Variants in ZNF732 observed in about 807,000 individuals in gnomAD.
ZNF732 encodes zinc finger protein LOC654254.
Under a neutral mutation model 11.5 loss-of-function variants are expected in ZNF732, and 12 were observed. That is an observed-to-expected ratio of 1.05 (90% CI 0.67 to 1.70). ZNF732 has a LOEUF of 1.70. Among genes scored for constraint, ZNF732 ranks in the 40% most tolerant of loss-of-function variants. The pLI is 0.00. For missense variants in ZNF732, 702 were observed against 676.9 expected (o/e 1.04, Z -0.41); for synonymous variants, 231 against 236.5 (o/e 0.98, Z 0.21).
chr4:284,652 C>T (rs1283723277), intron 3 of ZNF732, among the ~76,000 whole-genome samples: 2 of 151,768 alleles, frequency 1.3e-5, no homozygotes, highest in Non-Finnish European at 2.9e-5. Context: ...GCGGGTGGAT[C>T]ACGAGATCAG....
chr4:300,163 T>A (rs1418371054), intron 1 of ZNF732, among the ~76,000 whole-genome samples: 2 of 151,406 alleles, frequency 1.3e-5, no homozygotes, highest in Non-Finnish European at 2.9e-5. Flanking sequence ...ATTATTAGGT[T>A]AATTTATAGC....
intron 1 of ZNF732, among the ~76,000 whole-genome samples, 182 bp downstream of exon 1, chr4:305,126 T>C (rs1447109539): frequency 6.6e-6 from 1 of 152,152 alleles, no homozygotes; most frequent in Non-Finnish European, 1.5e-5. Flanking sequence ...GGCTGCAGGC[T>C]GGGCCAAAGC....
rs1560167214 is a variant in ZNF732 at position 305,294 on chromosome 4, GC to G, written c.3+13del. 1.9e-6 allele frequency: 3 copies of G among 1,606,740 alleles called. No individual in the cohort carries two copies. Among genetic ancestry groups the G allele is most frequent in the East Asian group, 2.2e-5 (1 of 44,780 alleles). On this transcript the variant is annotated intron_variant, in intron 1 of 3. Transcript: ENST00000419098. The stretch of plus-strand genomic sequence containing the variant: ...GGCCTCCCCAGCCTTGGGACGCCCT[GC>G]CCCCACACTCACCATTTCCCCACTT...
intron 1 of ZNF732, among the ~76,000 whole-genome samples, chr4:299,373 A>ATATATACACATATGTACACATATGTG (rs1560164983): frequency 3.7e-5 from 2 of 54,050 alleles, no homozygotes; most frequent in Non-Finnish European, 3.9e-5. Flanking sequence ...ACATATGTGT[A>ATATATACACATATGTACACATATGTG]TATATATATA....
rs994032603 is a variant in ZNF732 at position 271,188 on chromosome 4, T to C, written c.1669A>G (p.Thr557Ala). 1.4e-5 allele frequency: 22 copies of C among 1,553,820 alleles called. No homozygotes were observed. The highest frequency in any genetic ancestry group is 1.8e-5 in the Non-Finnish European group (21 of 1,148,394). ...TTGCCACATCCTTTACATTTGGGGG[T>C]TTTATCTCCAGTATGAATTGTCTTA... ...KYKTIHTGDK[T>A]PKCKGCGKAF... The change falls in exon 4 of 4, where the codon ACC becomes GCC. Residue 557 changes from threonine (T) to alanine (A), a missense_variant. By Grantham distance (58) the Thr-to-Ala change is moderately conservative. Around this residue, in one of 3 missense-constraint regions of ZNF732, gnomAD observed 94 missense variants for 87.5 expected, o/e 1.07. Transcript: ENST00000419098.
rs563343906 is a variant in ZNF732, at chr4:300,361, G to A, written c.4-4206C>T. On this transcript the variant is annotated intron_variant, in intron 1 of 3. Coordinates refer to ENST00000419098, the MANE Select transcript of ZNF732 (RefSeq NM_001137608.3). ...GCCTGTAGTCCCAGCTACTCAGGAG[G>A]CTGAGACAGGAGAATCACTTGAACT... is the stretch of plus-strand genomic sequence containing the variant. Among the ~76,000 whole-genome samples the A allele has an allele frequency of 4.9e-4, 73 of 150,448 alleles. No individual in the cohort carries two copies. The South Asian group carries it at 0.015, about 30-fold the overall frequency.
intron 1 of ZNF732, among the ~76,000 whole-genome samples, chr4:304,389 G>A (rs1330372072): frequency 2.6e-5 from 4 of 152,098 alleles, no homozygotes; most frequent in Non-Finnish European, 5.9e-5. Flanking sequence ...GCCTCCCGCA[G>A]ACACCAGGCA....
In ZNF732 at chr4:293,298, A is replaced by ATATG. The variant is rs1553841676; in HGVS notation, c.226+2139_226+2140insCATA. 2.9e-3 allele frequency among the ~76,000 whole-genome samples: 422 copies of ATATG among 143,132 alleles called. 3 individuals carry two copies. The highest frequency in any genetic ancestry group is 0.01 in the African/African-American group (394 of 38,064). 93.9% of individuals were successfully genotyped at this position (143,132 alleles called of 152,430 possible). ...TATGTATGTGTATATATATATATATATGTGTGTGTGTGTATATATATATAC... is the reference window on the plus strand; with the variant it reads ...TATGTATGTGTATATATATATATATATATGTGTGTGTGTGTGTATATATATATAC... On this transcript the variant is annotated intron_variant, in intron 3 of 3. Coordinates refer to ENST00000419098, the MANE Select transcript of ZNF732 (RefSeq NM_001137608.3).
intron 3 of ZNF732, among the ~76,000 whole-genome samples, chr4:293,302 G>C (rs1285411467): frequency 7.5e-6 from 1 of 133,378 alleles, no homozygotes; most frequent in African/African-American, 3.1e-5. Context: ...ATATATATGT[G>C]TGTGTGTGTA....
Position 271,204 on chromosome 4 carries a change from A to T in ZNF732, c.1653T>A (p.Ile551=). 1 of 1,555,672 alleles carries T rather than the reference A, an allele frequency of 6.4e-7. No homozygotes were observed. Among genetic ancestry groups the T allele is most frequent in the East Asian group, 2.4e-5 (1 of 41,198 alleles). ...RSRVLNKYKT[I]HTGDKTPKCK... is the part of the protein sequence containing the mutation. Reference sequence around the variant, plus strand: ...ATTTGGGGGTTTTATCTCCAGTATGAATTGTCTTATATTTATTCAGGACTC... The same window carrying T: ...ATTTGGGGGTTTTATCTCCAGTATGTATTGTCTTATATTTATTCAGGACTC... Residue 551 remains isoleucine, a synonymous_variant, in exon 4 of 4, where the codon ATT becomes ATA. Coordinates refer to ENST00000419098, the MANE Select transcript of ZNF732 (RefSeq NM_001137608.3).
chr4:301,735 G>A (rs978898327), intron 1 of ZNF732, among the ~76,000 whole-genome samples: 3 of 152,188 alleles, frequency 2.0e-5, no homozygotes, highest in Non-Finnish European at 4.4e-5. Flanking sequence ...GGAGGAGTGG[G>A]GAGGGACAGC....
chr4:272,766 G>T, intron 3 of ZNF732, 136 bp from the exon 4 acceptor site: 1 of 853,412 alleles, frequency 1.2e-6, no homozygotes, highest in Non-Finnish European at 1.7e-6. Context: ...TTTCTTCACA[G>T]ACATATATAT....
Position 304,739 on chromosome 4 carries a change from C to T in ZNF732, c.3+569G>A, listed in dbSNP as rs993256918. The stretch of plus-strand genomic sequence containing the variant: ...CCACACCAGCGTATTCTAAAAGATG[C>T]CACTCAGGAACAGCCACGCGGAGGA... On this transcript the variant is annotated intron_variant, in intron 1 of 3. Transcript: ENST00000419098. Among the ~76,000 whole-genome samples, 10 of 152,362 alleles carry T rather than the reference C, an allele frequency of 6.6e-5. No individual in the cohort carries two copies. In the South Asian group the frequency reaches 2.1e-3, roughly 32 times the overall value.
chr4:290,268 C>T (rs1401782827), intron 3 of ZNF732, among the ~76,000 whole-genome samples: 1 of 152,194 alleles, frequency 6.6e-6, no homozygotes, highest in Non-Finnish European at 1.5e-5. Context: ...AACTCAAGAG[C>T]CCATAGACAT....
At chr4:296,647 T>C (rs149847830) in intron 1 of ZNF732, among the ~76,000 whole-genome samples, 2 of 152,290 alleles carry the variant, frequency 1.3e-5, no homozygotes, top group East Asian at 3.9e-4. Flanking sequence ...CCTCTCAAGC[T>C]TCAATGCGCA....
At chr4:302,359 C>G (rs1553843736) in intron 1 of ZNF732, among the ~76,000 whole-genome samples, 1 of 152,148 alleles carries the variant, frequency 6.6e-6, no homozygotes, top group Admixed American at 6.5e-5. Flanking sequence ...TGATGTGCAT[C>G]ATAGGCAATC....
intron 3 of ZNF732, among the ~76,000 whole-genome samples, chr4:281,962 T>G (rs185297895): frequency 1.6e-4 from 25 of 152,232 alleles, no homozygotes; most frequent in African/African-American, 5.5e-4. Flanking sequence ...TTTGCAACAA[T>G]GCATGAAGAA....
At position 295,428 on chromosome 4, in the gene ZNF732, T is replaced by C. The variant is rs782118382; in HGVS notation, c.226+10A>G. ...GGCCTGTGTCCTCTCCTTCATTCAC[T>C]GTCACCTACCTGGGTGTTTGGCTAC... is the stretch of plus-strand genomic sequence containing the variant. On this transcript the variant is annotated intron_variant, in intron 3 of 3. Coordinates refer to ENST00000419098, the MANE Select transcript of ZNF732 (RefSeq NM_001137608.3). 6.3e-7 allele frequency: 1 copy of C among 1,597,026 alleles called. No individual in the cohort carries two copies. The highest frequency in any genetic ancestry group is 2.3e-5 in the East Asian group (1 of 44,248).
At chr4:295,655 C>G (rs1553842155) in intron 2 of ZNF732, 122 bp from the exon 3 acceptor site, 2 of 890,434 alleles carry the variant, frequency 2.2e-6, no homozygotes, top group African/African-American at 1.7e-5. Flanking sequence ...AAAATTGTTT[C>G]CTGGCAGAAT....
Sources: gnomAD v4.1 joint callset for allele counts (sites outside exome capture counted in the v4.1 genomes callset) on GRCh38, gnomAD v4.1.1 for gene constraint, gnomAD v4.1.1 regional missense constraint, MANE v1.5 for transcripts, NCBI Gene and HGNC (gene_info 2026-07-23, HGNC 2026-07-21) for gene names.